CCSER1: variants seen among roughly 807,000 people sequenced by gnomAD.
The protein encoded by CCSER1 is serine-rich coiled-coil domain-containing protein 1.
In CCSER1, 41 loss-of-function variants were observed where a neutral mutation model predicts 82.0. The observed-to-expected ratio is 0.50, with a 90% confidence interval of 0.39 to 0.65. The LOEUF is 0.65. Among genes scored for constraint, CCSER1 ranks in the 30% least tolerant of loss-of-function variants. CCSER1 has a pLI of 0.00. For synonymous variants in CCSER1, 414 were observed against 383.9 expected, an observed-to-expected ratio of 1.08 and a Z score of -0.92; for missense variants, 1,119 against 1,064.2, an observed-to-expected ratio of 1.05 and a Z score of -0.72.
At chr4:91,475,868 C>T (rs190630750) in intron 10 of CCSER1, among the ~76,000 whole-genome samples, 2 of 151,894 alleles carry the variant, frequency 1.3e-5, no homozygotes, top group East Asian at 3.9e-4. Context: ...TTTTTTAGCT[C>T]CCACATATGA....
chr4:90,514,018 G>T (rs559408499), intron 5 of CCSER1, among the ~76,000 whole-genome samples: 1 of 152,302 alleles, frequency 6.6e-6, no homozygotes, highest in Non-Finnish European at 1.5e-5. Context: ...CGTGGGAGAA[G>T]CTGTGACTTC....
At chr4:91,542,888 G>C (rs1235319241) in intron 10 of CCSER1, among the ~76,000 whole-genome samples, 1 of 152,116 alleles carries the variant, frequency 6.6e-6, no homozygotes, top group Non-Finnish European at 1.5e-5. Context: ...TCTGTCTAAT[G>C]TTGACAGTGT....
chr4:91,326,908 T>C (rs192186594), intron 10 of CCSER1, among the ~76,000 whole-genome samples: 59 of 152,276 alleles, frequency 3.9e-4, no homozygotes, highest in Middle Eastern at 3.4e-3. Flanking sequence ...TCTGACTCTA[T>C]GTCTCACATC....
At chr4:91,543,706 C>T (rs185493467) in intron 10 of CCSER1, among the ~76,000 whole-genome samples, 37 of 152,224 alleles carry the variant, frequency 2.4e-4, no homozygotes, top group African/African-American at 7.0e-4. Context: ...GTGGGTAACC[C>T]GACCTGTCTC....
At chr4:90,879,179 C>T (rs906264761) in intron 8 of CCSER1, among the ~76,000 whole-genome samples, 6 of 152,114 alleles carry the variant, frequency 3.9e-5, no homozygotes, top group African/African-American at 1.4e-4. Flanking sequence ...TTCTGAGATT[C>T]TTTTATCAGC....
At chr4:90,368,544 G>A (rs1746711536) in intron 3 of CCSER1, among the ~76,000 whole-genome samples, 2 of 151,770 alleles carry the variant, frequency 1.3e-5, no homozygotes, top group South Asian at 2.1e-4. Flanking sequence ...GACGCAGGAG[G>A]ATCACTTGAG....
intron 5 of CCSER1, 58 bp downstream of exon 5, chr4:90,468,412 A>T (rs1763915595): frequency 1.4e-6 from 2 of 1,460,114 alleles, no homozygotes; most frequent in African/African-American, 2.8e-5. Context: ...AACTGATAAG[A>T]AAATGTGATT....
At chr4:90,645,009 G>T (rs1727266786) in intron 6 of CCSER1, among the ~76,000 whole-genome samples, 2 of 151,316 alleles carry the variant, frequency 1.3e-5, no homozygotes, top group Admixed American at 6.6e-5. Flanking sequence ...TTGAACCCAG[G>T]AGGTGGAGGT....
intron 10 of CCSER1, among the ~76,000 whole-genome samples, chr4:91,127,516 T>G (rs1727622137): frequency 1.3e-5 from 2 of 152,098 alleles, no homozygotes; most frequent in Non-Finnish European, 2.9e-5. Context: ...GCATTTGCAG[T>G]ATGGTAATTT....
At chr4:91,069,360 T>A (rs567278093) in intron 9 of CCSER1, among the ~76,000 whole-genome samples, 1 of 152,194 alleles carries the variant, frequency 6.6e-6, no homozygotes, top group East Asian at 1.9e-4. Context: ...TTTCACTTTT[T>A]TTTTTCTGAA....
At chr4:90,332,893 A>T (rs544468968) in intron 3 of CCSER1, among the ~76,000 whole-genome samples, 1 of 152,174 alleles carries the variant, frequency 6.6e-6, no homozygotes, top group Non-Finnish European at 1.5e-5. Flanking sequence ...AGTTGTTTCA[A>T]TTAAAACAAA....
chr4:91,549,782 C>T (rs571861968), intron 10 of CCSER1, among the ~76,000 whole-genome samples: 1 of 152,206 alleles, frequency 6.6e-6, no homozygotes, highest in South Asian at 2.1e-4. Flanking sequence ...TTGCAGTGAG[C>T]CAAGATTGCA....
chr4:90,915,709 A>G (rs1200020033), intron 8 of CCSER1, among the ~76,000 whole-genome samples: 1 of 116,998 alleles, frequency 8.5e-6, no homozygotes, highest in Non-Finnish European at 1.7e-5. Context: ...CAATTAGGAA[A>G]GGAGGAAGTC....
chr4:91,155,529 G>T (rs1408926675), intron 10 of CCSER1, among the ~76,000 whole-genome samples: 1 of 151,944 alleles, frequency 6.6e-6, no homozygotes, highest in Non-Finnish European at 1.5e-5. Flanking sequence ...CTATTGAGAT[G>T]TCAGAAATAA....
chr4:90,849,643 GC>G (rs1763606459), intron 8 of CCSER1, among the ~76,000 whole-genome samples: 1 of 151,804 alleles, frequency 6.6e-6, no homozygotes, highest in South Asian at 2.1e-4. Flanking sequence ...CAAAAAATTA[GC>G]CAGATGTGGT....
intron 5 of CCSER1, among the ~76,000 whole-genome samples, chr4:90,593,606 A>G (rs966609294): frequency 2.0e-5 from 3 of 152,096 alleles, no homozygotes; most frequent in Non-Finnish European, 4.4e-5. Context: ...TCCAGCCTCC[A>G]GGTTCTATTC....
At chr4:91,193,832 T>C (rs1345777258) in intron 10 of CCSER1, among the ~76,000 whole-genome samples, 1 of 152,054 alleles carries the variant, frequency 6.6e-6, no homozygotes, top group Non-Finnish European at 1.5e-5. Flanking sequence ...ATTTTTTTTT[T>C]CAAATGCTAT....
chr4:91,206,312 C>A (rs985125250), intron 10 of CCSER1, among the ~76,000 whole-genome samples: 1 of 151,888 alleles, frequency 6.6e-6, no homozygotes, highest in Non-Finnish European at 1.5e-5. Flanking sequence ...GTATGCTTAA[C>A]AACATCCTGA....
At chr4:91,413,476 T>C (rs994683929) in intron 10 of CCSER1, among the ~76,000 whole-genome samples, 3 of 147,858 alleles carry the variant, frequency 2.0e-5, no homozygotes, top group African/African-American at 7.5e-5. Flanking sequence ...AAAGAAAATA[T>C]AGGCCAATCA....
Sources: allele counts gnomAD v4.1 joint callset (sites outside exome capture counted in the v4.1 genomes callset), GRCh38; gene constraint gnomAD v4.1.1; transcripts MANE v1.5; gene names NCBI Gene and HGNC (gene_info 2026-07-23, HGNC 2026-07-21).